Variants in TPRX1 observed in about 807,000 individuals in gnomAD.
TPRX1 encodes tetra-peptide repeat homeobox protein 1.
Under a neutral mutation model 8.1 loss-of-function variants are expected in TPRX1, and 2 were observed. The ratio of observed to expected loss-of-function variants is 0.25; its 90% CI spans 0.10 to 0.78. The LOEUF (loss-of-function observed/expected upper bound fraction) is 0.78, where lower values mean the gene tolerates loss of function less well. TPRX1 is among the 30% of genes least tolerant of loss of function. TPRX1 has a pLI of 0.70. For synonymous variants in TPRX1, 257 were observed against 254.1 expected (o/e 1.01, Z -0.11); for missense variants, 517 against 586.9 (o/e 0.88, Z 1.23).
chr19:47,814,505 T>A (rs554922355), intron 2 of TPRX1, among the ~76,000 whole-genome samples: 75 of 152,212 alleles, frequency 4.9e-4, no homozygotes, highest in Non-Finnish European at 9.3e-4. Context: ...AAAATAAGAA[T>A]AAAGTTTATC....
chr19:47,810,894 G>A (rs1411867473), intron 2 of TPRX1, among the ~76,000 whole-genome samples: 1 of 151,474 alleles, frequency 6.6e-6, no homozygotes, highest in Non-Finnish European at 1.5e-5. Context: ...CATGAGGTTG[G>A]CCTTTGCTTT....
At chr19:47,815,163 T>TA (rs201060804) in intron 2 of TPRX1, among the ~76,000 whole-genome samples, 31,355 of 83,294 alleles carry the variant, frequency 0.38, 6,409 homozygotes, top group Middle Eastern at 0.47. Flanking sequence ...TATATATATA[T>TA]TTTTTTTTTT....
At chr19:47,804,463 A>T (rs1967715472) in intron 2 of TPRX1, among the ~76,000 whole-genome samples, 52 bp downstream of exon 1, 5 of 152,188 alleles carry the variant, frequency 3.3e-5, no homozygotes, top group Admixed American at 3.3e-4. Flanking sequence ...TGCACTCTGC[A>T]GCCTCAGCCA....
chr19:47,808,342 T>A (rs1368003264), intron 2 of TPRX1, among the ~76,000 whole-genome samples: 3 of 152,104 alleles, frequency 2.0e-5, no homozygotes, highest in African/African-American at 7.2e-5. Flanking sequence ...CTTGAACTCC[T>A]GACCTCAGGT....
At chr19:47,809,932 C>G (rs1017274655) in intron 2 of TPRX1, among the ~76,000 whole-genome samples, 2 of 151,902 alleles carry the variant, frequency 1.3e-5, no homozygotes, top group Admixed American at 1.3e-4. Context: ...GGAATGAAGT[C>G]GGTGGAAAAG....
chr19:47,816,294 C>T (rs1413080028), intron 2 of TPRX1, among the ~76,000 whole-genome samples: 1 of 152,076 alleles, frequency 6.6e-6, no homozygotes, highest in South Asian at 2.1e-4. Context: ...TCTTGAACTC[C>T]TGAGCTCAAG....
At chr19:47,802,903 C>G in exon 4 of TPRX1, 2 of 1,570,684 alleles carry the variant, frequency 1.3e-6, no homozygotes, top group Admixed American at 3.7e-5. Context: ...CTCGGCCTCT[C>G]TGCCCAGGGA....
chr19:47,815,129 T>TATATATGCAAATATATATATATATTTGC (rs1555800034), intron 2 of TPRX1, among the ~76,000 whole-genome samples: 1 of 101,790 alleles, frequency 9.8e-6, no homozygotes, highest in African/African-American at 3.6e-5. Context: ...TATATATATA[T>TATATATGCAAATATATATATATATTTGC]ATATATATAT....
At chr19:47,811,892 GT>G (rs1967787444) in intron 2 of TPRX1, among the ~76,000 whole-genome samples, 1 of 151,404 alleles carries the variant, frequency 6.6e-6, no homozygotes, top group Non-Finnish European at 1.5e-5. Context: ...TTGAGACGGA[GT>G]TTCGCTCTTG....
At chr19:47,817,451 T>C (rs1345299839) in intron 2 of TPRX1, among the ~76,000 whole-genome samples, 4 of 152,044 alleles carry the variant, frequency 2.6e-5, no homozygotes, top group African/African-American at 9.7e-5. Flanking sequence ...GATCACCAGG[T>C]GATATGGCCT....
intron 2 of TPRX1, among the ~76,000 whole-genome samples, chr19:47,808,081 C>T (rs55915728): frequency 0.31 from 47,508 of 151,836 alleles, 9,344 homozygotes; most frequent in East Asian, 0.62. Flanking sequence ...AGGCAAGTAC[C>T]ACCATGTCCG....
rs780471790 is a variant in TPRX1, at chr19:47,802,728, C to T, written c.574G>A (p.Gly192Ser). ...ATTGGGGCAGGGATCGGGCCAGGGC[C>T]TGGACTCAGGGCAGCTGGGATGCCC... Residue 192 changes from glycine to serine, a missense_variant, in exon 4 of 4, where the codon GGC becomes AGC. This residue lies in a region of TPRX1 where 506 missense variants were observed against 515.5 expected (regional missense o/e 0.98). Coordinates refer to ENST00000535759, the Ensembl canonical transcript of TPRX1. 3.8e-6 allele frequency: 6 copies of T among 1,598,468 alleles called. No individual in the cohort carries two copies. In the African/African-American group the frequency reaches 4.0e-5, roughly 11 times the overall value.
At chr19:47,801,238 T>C (rs538675201), downstream of TPRX1, 1 of 152,134 alleles carries the variant, frequency 6.6e-6, no homozygotes, top group African/African-American at 2.4e-5. Context: ...AAAATGCAAA[T>C]AGGAAAGGTG....
exon 4 of TPRX1, chr19:47,802,326 C>T: frequency 1.3e-6 from 2 of 1,493,916 alleles, no homozygotes; most frequent in Non-Finnish European, 1.8e-6. Context: ...GAGATTGGGC[C>T]TGGGATTGGG....
At chr19:47,802,124 G>A in exon 4 of TPRX1, 1 of 1,585,532 alleles carries the variant, frequency 6.3e-7, no homozygotes, top group South Asian at 1.2e-5. Context: ...AAGTGAGCCA[G>A]GGCTTCGCAT....
At chr19:47,802,623 G>A in exon 4 of TPRX1, 1 of 1,551,652 alleles carries the variant, frequency 6.4e-7, no homozygotes. Context: ...GCTGGGATCG[G>A]GCTTGGGATC....
chr19:47,802,678 G>A, exon 4 of TPRX1: 1 of 1,568,334 alleles, frequency 6.4e-7, no homozygotes, highest in South Asian at 1.2e-5. Context: ...CAGGGAGTGG[G>A]CCTGGGATCT....
At chr19:47,811,395 C>T (rs193224681) in intron 2 of TPRX1, among the ~76,000 whole-genome samples, 8 of 151,798 alleles carry the variant, frequency 5.3e-5, no homozygotes, top group African/African-American at 1.2e-4. Flanking sequence ...AGGTATTGAT[C>T]GATTGATGAC....
At chr19:47,803,407 C>T (rs962460940) in intron 3 of TPRX1, 97 bp downstream of exon 2, 6 of 547,120 alleles carry the variant, frequency 1.1e-5, no homozygotes, top group Non-Finnish European at 2.0e-5. Flanking sequence ...CGTGGCAGGG[C>T]GGGAGGTGGT....
Sources: gnomAD v4.1 joint callset for allele counts (sites outside exome capture counted in the v4.1 genomes callset) on GRCh38, gnomAD v4.1.1 for gene constraint, gnomAD v4.1.1 regional missense constraint, MANE v1.5 for transcripts, NCBI Gene and HGNC (gene_info 2026-07-23, HGNC 2026-07-21) for gene names.